The following KAZN variants were observed in gnomAD, a reference collection of about 807,000 sequenced individuals.
The protein encoded by KAZN is kazrin.
In KAZN, 40 loss-of-function variants were observed where a neutral mutation model predicts 87.4. The observed-to-expected ratio is 0.46, with a 90% confidence interval of 0.36 to 0.60. The LOEUF is 0.60. KAZN is among the 20% of genes least tolerant of loss of function. The pLI, the probability that KAZN is intolerant of heterozygous loss-of-function variation, is 0.00. For missense variants in KAZN, 898 were observed against 1,073.9 expected, an observed-to-expected ratio of 0.84 and a Z score of 2.29; for synonymous variants, 466 against 458.3, an observed-to-expected ratio of 1.02 and a Z score of -0.22.
At chr1:14,241,659 C>T (rs949392115) in intron 2 of KAZN, among the ~76,000 whole-genome samples, 1 of 152,176 alleles carries the variant, frequency 6.6e-6, no homozygotes, top group Non-Finnish European at 1.5e-5. Flanking sequence ...GGGTAATGCA[C>T]ATTGCCATCC....
chr1:14,836,802 T>G lies in KAZN; in HGVS notation c.227-123882T>G, dbSNP rs528604451. 5.4e-4 allele frequency among the ~76,000 whole-genome samples: 83 copies of G among 152,334 alleles called. No homozygotes were observed. The South Asian group carries it at 8.5e-3, about 16-fold the overall frequency. ...ATTTTTCATTATATTCTATTTAATATATTTTAAAGACCTCCATCAATGAAT... is the reference window on the plus strand; with the variant it reads ...ATTTTTCATTATATTCTATTTAATAGATTTTAAAGACCTCCATCAATGAAT... On this transcript the variant is annotated intron_variant, in intron 1 of 14. Transcript: ENST00000376030.
chr1:15,112,382 G>T, intron 13 of KAZN, 45 bp from the exon 14 acceptor site: 1 of 970,212 alleles, frequency 1.0e-6, no homozygotes, highest in Non-Finnish European at 1.6e-6. Flanking sequence ...TGTCTGGGGA[G>T]CTGACTGAGC....
At chr1:13,901,593 G>C (rs566945232) in intron 1 of KAZN, among the ~76,000 whole-genome samples, 3 of 152,106 alleles carry the variant, frequency 2.0e-5, no homozygotes, top group Non-Finnish European at 4.4e-5. Flanking sequence ...AAATTCCAGA[G>C]GCCAAACTCT....
intron 1 of KAZN, among the ~76,000 whole-genome samples, chr1:14,661,732 T>C (rs1338757838): frequency 6.6e-6 from 1 of 151,792 alleles, no homozygotes; most frequent in Non-Finnish European, 1.5e-5. Flanking sequence ...CTGGCCAACA[T>C]GGCAAAACCC....
intron 1 of KAZN, among the ~76,000 whole-genome samples, chr1:14,948,764 G>A (rs1017438557): frequency 6.6e-6 from 1 of 152,090 alleles, no homozygotes; most frequent in Non-Finnish European, 1.5e-5. Context: ...AGTCTTCCTT[G>A]TACCAATAGG....
chr1:14,713,092 C>T (rs1642574168), intron 1 of KAZN, among the ~76,000 whole-genome samples: 1 of 152,186 alleles, frequency 6.6e-6, no homozygotes, highest in Admixed American at 6.5e-5. Context: ...ACTGAGCCTG[C>T]TCAATACCTG....
In KAZN at chr1:14,856,596, G is replaced by A. The variant is rs962707164; in HGVS notation, c.227-104088G>A. On this transcript the variant is annotated intron_variant, in intron 1 of 14. Transcript: ENST00000376030. The surrounding 1 kb of genome is among the most constrained non-coding windows in gnomAD (Gnocchi z 5.2). ...TCCATATTTTATTTCTATTTTGGTA[G>A]CTCAACAATTCACTAAGTGTGATGC... 2.6e-5 allele frequency among the ~76,000 whole-genome samples: 4 copies of A among 152,098 alleles called. No individual in the cohort carries two copies. Among genetic ancestry groups the A allele is most frequent in the African/African-American group, 9.7e-5 (4 of 41,424 alleles).
At chr1:14,825,876 GTC>G (rs1435503180) in intron 1 of KAZN, among the ~76,000 whole-genome samples, 1 of 152,142 alleles carries the variant, frequency 6.6e-6, no homozygotes, top group Non-Finnish European at 1.5e-5. Context: ...GTTTAATTCT[GTC>G]TCTCTGGTCC....
intron 2 of KAZN, among the ~76,000 whole-genome samples, chr1:14,461,047 G>T (rs961323555): frequency 6.6e-6 from 1 of 152,140 alleles, no homozygotes; most frequent in African/African-American, 2.4e-5. Flanking sequence ...CTTTTTATCT[G>T]TCGCTATGGT....
intron 2 of KAZN, among the ~76,000 whole-genome samples, chr1:14,265,328 T>G (rs776260498): frequency 6.6e-6 from 1 of 152,214 alleles, no homozygotes; most frequent in Non-Finnish European, 1.5e-5. Context: ...TCAAACATGA[T>G]AGTTTGGTTC....
intron 7 of KAZN, 113 bp from the exon 8 acceptor site, chr1:15,065,517 A>G: frequency 2.2e-6 from 2 of 927,334 alleles, no homozygotes; most frequent in Non-Finnish European, 3.3e-6. Context: ...ACTGGCTTAA[A>G]GCTCAGAGAG....
chr1:14,280,089 G>A (rs373974306), intron 2 of KAZN, among the ~76,000 whole-genome samples: 156 of 152,206 alleles, frequency 1.0e-3, no homozygotes, highest in African/African-American at 3.5e-3. Flanking sequence ...GCGGCCGGGC[G>A]CGGTGGCTCA....
chr1:14,802,978 G>A (rs900206323), intron 1 of KAZN, among the ~76,000 whole-genome samples: 3 of 152,092 alleles, frequency 2.0e-5, no homozygotes, highest in Admixed American at 1.3e-4. Context: ...TTCCTTCATC[G>A]CAAACATGGA....
rs1340228874 is a variant in KAZN at position 15,021,278 on chromosome 1, T to C, written c.419-13471T>C. On this transcript the variant is annotated intron_variant, in intron 2 of 14. Coordinates refer to ENST00000376030, the MANE Select transcript of KAZN (RefSeq NM_201628.3). This position sits in a 1 kb window ranked among gnomAD's most constrained non-coding sequence, Gnocchi z 4.2. ...CGACCTCACACACCCACACAAGCCT[T>C]TAAAAATAGTCCTCGTTGTGTGGGG... Among the ~76,000 whole-genome samples the C allele has an allele frequency of 6.6e-6, 1 of 152,110 alleles. No homozygotes were observed. The highest frequency in any genetic ancestry group is 1.5e-5 in the Non-Finnish European group (1 of 68,010).
At chr1:14,367,112 C>G (rs139837480) in intron 2 of KAZN, among the ~76,000 whole-genome samples, 4 of 152,214 alleles carry the variant, frequency 2.6e-5, no homozygotes, top group African/African-American at 9.6e-5. Context: ...GCCTGTAATC[C>G]CAGCTACTTG....
intron 1 of KAZN, among the ~76,000 whole-genome samples, chr1:13,916,966 A>G (rs1019086628): frequency 5.3e-5 from 8 of 152,178 alleles, no homozygotes; most frequent in Admixed American, 2.6e-4. Context: ...CTGGGTAACC[A>G]TGGAAGGATT....
chr1:14,078,780 G>T (rs1423654586), intron 1 of KAZN, among the ~76,000 whole-genome samples: 2 of 152,158 alleles, frequency 1.3e-5, no homozygotes, highest in East Asian at 3.9e-4. Context: ...TGCCTCCTGG[G>T]TTCAAACGAT....
chr1:14,245,312 A>G (rs1458525627), intron 2 of KAZN, among the ~76,000 whole-genome samples: 1 of 152,106 alleles, frequency 6.6e-6, no homozygotes, highest in South Asian at 2.1e-4. Context: ...ACACACACAT[A>G]CATACTTACA....
chr1:14,772,061 G>A (rs1351298960), intron 1 of KAZN, among the ~76,000 whole-genome samples: 1 of 152,114 alleles, frequency 6.6e-6, no homozygotes, highest in Non-Finnish European at 1.5e-5. Context: ...TCTGGTGGAG[G>A]ATGGAAGACC....
Sources: gnomAD v4.1 joint callset for allele counts (sites outside exome capture counted in the v4.1 genomes callset) on GRCh38, gnomAD v4.1.1 for gene constraint, Gnocchi (gnomAD v3.1) non-coding constraint, MANE v1.5 for transcripts, NCBI Gene and HGNC (gene_info 2026-07-23, HGNC 2026-07-21) for gene names.